The following SLC25A17 variants were observed in gnomAD, a reference collection of about 807,000 sequenced individuals.
The protein encoded by SLC25A17 is solute carrier family 25 member 17, also known as peroxisomal membrane protein PMP34.
In SLC25A17, 26 loss-of-function variants were observed where a neutral mutation model predicts 38.5. That is an observed-to-expected ratio of 0.68 (90% CI 0.50 to 0.94). SLC25A17 has a LOEUF of 0.94. Ranked by LOEUF, SLC25A17 falls within the 40% of genes least tolerant of loss-of-function variation. The pLI, the probability that SLC25A17 is intolerant of heterozygous loss-of-function variation, is 0.00. For synonymous variants in SLC25A17, 139 were observed against 136.2 expected (o/e 1.02, Z -0.14); for missense variants, 333 against 372.7 (o/e 0.89, Z 0.88).
intron 8 of SLC25A17, among the ~76,000 whole-genome samples, chr22:40,772,799 C>T (rs973782743): frequency 5.9e-5 from 9 of 152,110 alleles, no homozygotes; most frequent in Middle Eastern, 3.4e-3. Flanking sequence ...ACATGCTTGG[C>T]TAATTTTGTA....
At chr22:40,775,655 G>A (rs1158870615) in intron 7 of SLC25A17, among the ~76,000 whole-genome samples, 1 of 150,948 alleles carries the variant, frequency 6.6e-6, no homozygotes, top group Non-Finnish European at 1.5e-5. Context: ...AGTAGAGACG[G>A]GGTTTCACCT....
intron 1 of SLC25A17, among the ~76,000 whole-genome samples, chr22:40,813,387 A>G (rs1383136402): frequency 6.6e-6 from 1 of 151,978 alleles, no homozygotes; most frequent in Non-Finnish European, 1.5e-5. Flanking sequence ...AAAATACAAA[A>G]ATGAGCCAGG....
At chr22:40,803,969 C>G (rs772088763) in intron 1 of SLC25A17, among the ~76,000 whole-genome samples, 1 of 151,880 alleles carries the variant, frequency 6.6e-6, no homozygotes, top group African/African-American at 2.4e-5. Flanking sequence ...TTCCCATAAA[C>G]GAGAAAATAG....
At chr22:40,798,660 T>TAA (rs10640211) in intron 2 of SLC25A17, among the ~76,000 whole-genome samples, 28,931 of 74,080 alleles carry the variant, frequency 0.39, 5,860 homozygotes, top group Admixed American at 0.54. Context: ...CACACATACA[T>TAA]AAAAAAAAAA....
chr22:40,797,863 T>C (rs1299231809), intron 2 of SLC25A17, among the ~76,000 whole-genome samples: 1 of 152,132 alleles, frequency 6.6e-6, no homozygotes, highest in Admixed American at 6.6e-5. Context: ...CAAATGCACA[T>C]GGGTTTTTCT....
chr22:40,805,663 C>T lies in SLC25A17; in HGVS notation c.55-6580G>A, dbSNP rs138790850. 3.8e-3 allele frequency among the ~76,000 whole-genome samples: 574 copies of T among 152,046 alleles called. 8 individuals are homozygous for T. Among genetic ancestry groups the T allele is most frequent in the African/African-American group, 0.013 (535 of 41,468 alleles). ...TTCTGTGCATAATTTTTGTGATATC[C>T]GCCACACCAGATAAGCAAAAAAGTC... On this transcript the variant is annotated intron_variant, in intron 1 of 8. Coordinates refer to ENST00000435456, the MANE Select transcript of SLC25A17 (RefSeq NM_006358.4).
At chr22:40,797,818 C>T (rs908568503) in intron 2 of SLC25A17, among the ~76,000 whole-genome samples, 3 of 152,194 alleles carry the variant, frequency 2.0e-5, no homozygotes, top group South Asian at 4.1e-4. Context: ...GTGCACCAGG[C>T]CTGTATGCCC....
At chr22:40,771,275 T>A (rs2057180678) in intron 8 of SLC25A17, among the ~76,000 whole-genome samples, 1 of 151,478 alleles carries the variant, frequency 6.6e-6, no homozygotes, top group African/African-American at 2.4e-5. Context: ...ACCAGGCTAA[T>A]TTTTTTTTGT....
At chr22:40,814,683 G>A (rs2057617031) in intron 1 of SLC25A17, among the ~76,000 whole-genome samples, 1 of 150,960 alleles carries the variant, frequency 6.6e-6, no homozygotes. Context: ...AAGCTGTTAG[G>A]AAGTCAGAGT....
rs5995954 is a variant in SLC25A17 at position 40,813,383 on chromosome 22, C to T, written c.54+5812G>A. Among the ~76,000 whole-genome samples, 540 of 152,048 alleles carry T rather than the reference C, an allele frequency of 3.6e-3. 5 individuals are homozygous for T. The highest frequency in any genetic ancestry group is 0.013 in the African/African-American group (520 of 41,468). On this transcript the variant is annotated intron_variant, in intron 1 of 8. Transcript: ENST00000435456. Reference sequence around the variant, plus strand: ...TGAGACCTCATCTCTACTAAAAATACAAAAATGAGCCAGGAGTGGTGGCAC... The same window carrying T: ...TGAGACCTCATCTCTACTAAAAATATAAAAATGAGCCAGGAGTGGTGGCAC...
chr22:40,804,706 C>T (rs12171193), intron 1 of SLC25A17, among the ~76,000 whole-genome samples: 2,807 of 152,246 alleles, frequency 0.018, 79 homozygotes, highest in African/African-American at 0.063. Flanking sequence ...CCATTACGCC[C>T]AGCCTGAAGT....
rs1000710762 is a variant in SLC25A17, at chr22:40,794,791, T to C, written c.116-211A>G. Among the ~76,000 whole-genome samples the C allele has an allele frequency of 6.6e-5, 10 of 152,070 alleles. No individual in the cohort carries two copies. The South Asian group carries it at 1.0e-3, about 16-fold the overall frequency. ...CACACCACCATGCCCAGCTAATTTT[T>C]GTATTTTAGTAGAGGCGGGGTTTCG... is the stretch of plus-strand genomic sequence containing the variant. On this transcript the variant is annotated intron_variant, in intron 2 of 8. Coordinates refer to ENST00000435456, the MANE Select transcript of SLC25A17 (RefSeq NM_006358.4).
intron 4 of SLC25A17, among the ~76,000 whole-genome samples, chr22:40,788,487 T>C (rs1345066581): frequency 6.6e-6 from 1 of 152,116 alleles, no homozygotes; most frequent in Non-Finnish European, 1.5e-5. Flanking sequence ...GGTCAGGAGT[T>C]CGAGACCAGC....
At chr22:40,814,318 C>T (rs905247028) in intron 1 of SLC25A17, among the ~76,000 whole-genome samples, 5 of 152,204 alleles carry the variant, frequency 3.3e-5, no homozygotes, top group Admixed American at 6.5e-5. Context: ...TTCTTTCTTA[C>T]AAGACCAACA....
intron 1 of SLC25A17, among the ~76,000 whole-genome samples, chr22:40,818,940 G>A (rs1246586297): frequency 6.6e-6 from 1 of 152,094 alleles, no homozygotes; most frequent in Non-Finnish European, 1.5e-5. Context: ...TGCGGACCCT[G>A]AGCGGGCACG....
At position 40,792,553 on chromosome 22, in the gene SLC25A17, T is replaced by G; in HGVS notation, c.306A>C (p.Gly102=). The change falls in exon 4 of 9, where the codon GGA becomes GGC. Residue 102 remains glycine (G), a synonymous_variant. Transcript: ENST00000435456. The part of the protein sequence containing the change: ...LWVKGQHSTT[G]KDLVVGFVAG... ...CAACAAACCCAACTACCAGATCTTTTCCAGTGGTAGAATGTTGACCTTTGA... is the reference window on the plus strand; with the variant it reads ...CAACAAACCCAACTACCAGATCTTTGCCAGTGGTAGAATGTTGACCTTTGA... 6.2e-7 allele frequency: 1 copy of G among 1,613,194 alleles called. No homozygotes were observed. Among genetic ancestry groups the G allele is most frequent in the Non-Finnish European group, 8.5e-7 (1 of 1,179,522 alleles).
rs556999012 is a variant in SLC25A17 at position 40,791,374 on chromosome 22, A to G, written c.334+1151T>C. Among the ~76,000 whole-genome samples, 11 of 152,298 alleles carry G rather than the reference A, an allele frequency of 7.2e-5. 1 individual carries two copies. In the South Asian group the frequency reaches 2.1e-3, roughly 29 times the overall value. Reference sequence around the variant, plus strand: ...AGCTATCTAGGAGCCCACCAATAGTAACTTTATTAGCCTAAACTCAGAGAT... The same window carrying G: ...AGCTATCTAGGAGCCCACCAATAGTGACTTTATTAGCCTAAACTCAGAGAT... On this transcript the variant is annotated intron_variant, in intron 4 of 8. Coordinates refer to ENST00000435456, the MANE Select transcript of SLC25A17 (RefSeq NM_006358.4).
intron 1 of SLC25A17, chr22:40,799,587 C>T (rs1478906400): frequency 2.0e-5 from 3 of 152,152 alleles, no homozygotes; most frequent in African/African-American, 7.3e-5. Flanking sequence ...GTCTCGATCT[C>T]CTGACCTCAT....
chr22:40,815,369 A>T (rs959588079), intron 1 of SLC25A17, among the ~76,000 whole-genome samples: 2 of 152,156 alleles, frequency 1.3e-5, no homozygotes, highest in Non-Finnish European at 2.9e-5. Context: ...CAGACACTGA[A>T]TATGTCTATT....
Sources: gnomAD v4.1 joint callset for allele counts (sites outside exome capture counted in the v4.1 genomes callset) on GRCh38, gnomAD v4.1.1 for gene constraint, MANE v1.5 for transcripts, NCBI Gene and HGNC (gene_info 2026-07-23, HGNC 2026-07-21) for gene names.